ZFP69: variants seen among roughly 807,000 people sequenced by gnomAD.
ZFP69 encodes zinc finger protein 69 homolog.
ZFP69 carries 35 observed loss-of-function variants against 48.9 expected under a neutral mutation model. That is an observed-to-expected ratio of 0.72 (90% confidence interval 0.55 to 0.95). The LOEUF is 0.95. Among genes scored for constraint, ZFP69 ranks in the 40% least tolerant of loss-of-function variants. The pLI, the probability that ZFP69 is intolerant of heterozygous loss-of-function variation, is 0.00. For synonymous variants in ZFP69, 193 were observed against 216.8 expected (o/e 0.89, Z 0.96); for missense variants, 557 against 638.4 (o/e 0.87, Z 1.37).
At position 40,495,073 on chromosome 1, in the gene ZFP69, G is replaced by T. The variant is rs1180227746; in HGVS notation, c.595G>T (p.Glu199Ter). 4 of 1,613,934 alleles carry T rather than the reference G, an allele frequency of 2.5e-6. No individual in the cohort carries two copies. Among genetic ancestry groups the T allele is most frequent in the Non-Finnish European group, 2.5e-6 (3 of 1,180,018 alleles). The change falls in exon 6 of 6, where the codon GAA becomes TAA. Residue 199 changes from glutamate to a stop codon, truncating the protein, a stop_gained. Transcript: ENST00000372706. LOFTEE classifies it high-confidence loss of function. ...AGTCTCCACATATGATGATGTCTTA[G>T]AAAGGCACCAGGAAACTTGTATGAG... is the stretch of plus-strand genomic sequence containing the variant. ...RKVSTYDDVL[E>*]RHQETCMRDV...
chr1:40,492,809 T>C (rs1570042020), intron 5 of ZFP69, among the ~76,000 whole-genome samples: 1 of 152,226 alleles, frequency 6.6e-6, no homozygotes, highest in East Asian at 1.9e-4. Context: ...CTCCTGTACA[T>C]ATTGTACATT....
In ZFP69 at chr1:40,495,222, T is replaced by C; in HGVS notation, c.744T>C (p.Pro248=). 1.9e-6 allele frequency: 3 copies of C among 1,614,102 alleles called. No individual in the cohort carries two copies. Among genetic ancestry groups the C allele is most frequent in the Non-Finnish European group, 2.5e-6 (3 of 1,180,022 alleles). ...IEQRHHKYDT[P]TKRNTYKLDL... is the part of the protein sequence containing the mutation. ...AGAGGCACCATAAATATGATACACC[T>C]ACAAAGCGGAACACATACAAATTAG... Residue 248 remains proline, a synonymous_variant, in exon 6 of 6, where the codon CCT becomes CCC. Transcript: ENST00000372706.
At chr1:40,490,062 G>A (rs918562124) in intron 5 of ZFP69, among the ~76,000 whole-genome samples, 1 of 151,850 alleles carries the variant, frequency 6.6e-6, no homozygotes, top group African/African-American at 2.4e-5. Context: ...TAGAGACAGG[G>A]TTTCACCATG....
rs569510626 is a variant in ZFP69 at position 40,479,261 on chromosome 1, T to C, written c.-101T>C. 5.8e-5 allele frequency: 89 copies of C among 1,537,306 alleles called. 1 individual carries two copies. The South Asian group carries it at 8.7e-4, about 15-fold the overall frequency. On this transcript the variant is annotated 5_prime_UTR_variant, in exon 2 of 6. Transcript: ENST00000372706. Reference sequence around the variant, plus strand: ...GACACACCAGAGTCCTGAGGGCAGGTGATTGGAATCTGAGCAACACCCCAC... The same window carrying C: ...GACACACCAGAGTCCTGAGGGCAGGCGATTGGAATCTGAGCAACACCCCAC...
At chr1:40,484,548 TG>T (rs1183607504) in intron 3 of ZFP69, among the ~76,000 whole-genome samples, 1 of 151,704 alleles carries the variant, frequency 6.6e-6, no homozygotes, top group Non-Finnish European at 1.5e-5. Context: ...TTCCATTTGA[TG>T]TCCTCTAATG....
chr1:40,480,102 A>G (rs557050666), intron 2 of ZFP69, among the ~76,000 whole-genome samples: 2 of 152,330 alleles, frequency 1.3e-5, no homozygotes, highest in South Asian at 4.1e-4. Context: ...TGTGTCAGGC[A>G]GGGACTTTGG....
At chr1:40,484,926 CTT>C (rs1430813727) in intron 3 of ZFP69, among the ~76,000 whole-genome samples, 1 of 84,544 alleles carries the variant, frequency 1.2e-5, no homozygotes, top group Non-Finnish European at 2.1e-5. Context: ...GAGTTTCACT[CTT>C]GTTGCCCAGG....
intron 5 of ZFP69, 23 bp downstream of exon 5, chr1:40,489,647 G>C: frequency 6.5e-7 from 1 of 1,540,490 alleles, no homozygotes; most frequent in Non-Finnish European, 8.8e-7. Context: ...GTGTTAGTCT[G>C]TTTTTGTGTT....
intron 5 of ZFP69, chr1:40,490,761 T>C (rs147282726): frequency 2.0e-5 from 3 of 152,372 alleles, no homozygotes; most frequent in East Asian, 1.9e-4. Flanking sequence ...TTTTAACTTA[T>C]GTATCTTTTT....
intron 5 of ZFP69, among the ~76,000 whole-genome samples, chr1:40,490,546 A>G (rs1156768254): frequency 6.6e-6 from 1 of 152,130 alleles, no homozygotes. Flanking sequence ...ATTAAGGTTG[A>G]GCTGGATTTT....
rs1645631675 is a variant in ZFP69, at chr1:40,496,037, A to G, written c.1559A>G (p.Asn520Ser). The change falls in exon 6 of 6, where the codon AAC (asparagine) becomes AGC (serine). Residue 520 changes from asparagine to serine, a missense_variant. Coordinates refer to ENST00000372706, the MANE Select transcript of ZFP69 (RefSeq NM_001320179.2). ...CGACATCATGAAATACACAGGAGGA[A>G]CGCCTTCCGAAATAAGGTGTAAAAA... ...LSRHHEIHRR[N>S]AFRNKV 25 of 1,591,406 alleles carry G rather than the reference A, an allele frequency of 1.6e-5. No individual in the cohort carries two copies. Among genetic ancestry groups the G allele is most frequent in the Non-Finnish European group, 2.1e-5 (24 of 1,169,966 alleles).
Position 40,496,029 on chromosome 1 carries a change from C to T in ZFP69, c.1551C>T (p.His517=), listed in dbSNP as rs1451375399. ...CACTTAGTCGACATCATGAAATACACAGGAGGAACGCCTTCCGAAATAAGG... is the reference window on the plus strand; with the variant it reads ...CACTTAGTCGACATCATGAAATACATAGGAGGAACGCCTTCCGAAATAAGG... The part of the protein sequence containing the change: ...NSSLSRHHEI[H]RRNAFRNKV The change falls in exon 6 of 6, where the codon CAC becomes CAT. Residue 517 remains histidine, a synonymous_variant. Coordinates refer to ENST00000372706, the MANE Select transcript of ZFP69 (RefSeq NM_001320179.2). The T allele has an allele frequency of 6.2e-7, 1 of 1,605,404 alleles. No individual in the cohort carries two copies. The highest frequency in any genetic ancestry group is 1.7e-5 in the Admixed American group (1 of 58,044).
At chr1:40,492,194 A>T (rs779996697) in intron 5 of ZFP69, among the ~76,000 whole-genome samples, 16 of 152,230 alleles carry the variant, frequency 1.1e-4, no homozygotes, top group Non-Finnish European at 1.8e-4. Context: ...ATTTTATCAT[A>T]TATGTGGATC....
chr1:40,489,743 T>C, intron 5 of ZFP69, 119 bp downstream of exon 5: 1 of 679,616 alleles, frequency 1.5e-6, no homozygotes, highest in Non-Finnish European at 2.4e-6. Context: ...ACAGGAAGCA[T>C]GGCACTGGCA....
intron 3 of ZFP69, 66 bp from the exon 4 acceptor site, chr1:40,489,022 G>A: frequency 6.2e-7 from 1 of 1,600,630 alleles, no homozygotes; most frequent in Non-Finnish European, 8.5e-7. Flanking sequence ...TTAGAATACT[G>A]TCAGAACTCC....
chr1:40,486,708 C>T (rs1037760690), intron 3 of ZFP69, among the ~76,000 whole-genome samples: 21 of 151,934 alleles, frequency 1.4e-4, no homozygotes, highest in Non-Finnish European at 2.8e-4. Flanking sequence ...AGGCAGGAGC[C>T]ATCCCACCTA....
intron 3 of ZFP69, among the ~76,000 whole-genome samples, chr1:40,484,882 GCTT>G (rs1645479623): frequency 1.2e-5 from 1 of 81,490 alleles, no homozygotes; most frequent in Non-Finnish European, 2.2e-5. Flanking sequence ...CGCCTGGCCT[GCTT>G]TTTTTTTTTT....
At chr1:40,480,826 C>T (rs1306184882) in intron 2 of ZFP69, among the ~76,000 whole-genome samples, 2 of 152,044 alleles carry the variant, frequency 1.3e-5, no homozygotes, top group African/African-American at 4.8e-5. Context: ...ATAATGTGTG[C>T]AAATTTAAAT....
chr1:40,485,565 T>C (rs948466213), intron 3 of ZFP69, among the ~76,000 whole-genome samples: 1 of 152,156 alleles, frequency 6.6e-6, no homozygotes, highest in Non-Finnish European at 1.5e-5. Flanking sequence ...TATTTATCCA[T>C]TTAGGCACTC....
Sources: gnomAD v4.1 joint callset for allele counts (sites outside exome capture counted in the v4.1 genomes callset) on GRCh38, gnomAD v4.1.1 for gene constraint, MANE v1.5 for transcripts, NCBI Gene and HGNC (gene_info 2026-07-23, HGNC 2026-07-21) for gene names.